CCDC73: variants seen among roughly 807,000 people sequenced by gnomAD.
CCDC73 encodes coiled-coil domain-containing protein 73.
CCDC73 carries 95 observed loss-of-function variants against 116.5 expected under a neutral mutation model. The ratio of observed to expected loss-of-function variants is 0.82; its 90% confidence interval spans 0.69 to 0.97. The LOEUF (loss-of-function observed/expected upper bound fraction) is 0.97. Ranked by LOEUF, CCDC73 falls within the 50% of genes least tolerant of loss-of-function variation. CCDC73 has a pLI of 0.00. For missense variants in CCDC73, 1,066 were observed against 1,206.8 expected (o/e 0.88, Z 1.73); for synonymous variants, 398 against 401.3 (o/e 0.99, Z 0.10).
intron 9 of CCDC73, among the ~76,000 whole-genome samples, chr11:32,670,333 T>C (rs907901245): frequency 2.6e-5 from 4 of 151,998 alleles, no homozygotes; most frequent in Non-Finnish European, 5.9e-5. Flanking sequence ...CCATCCTGGT[T>C]AACACGGTGA....
chr11:32,760,097 A>G lies in CCDC73; in HGVS notation c.135+12T>C. On this transcript the variant is annotated intron_variant, in intron 2 of 17. Coordinates refer to ENST00000335185, the MANE Select transcript of CCDC73 (RefSeq NM_001008391.4). ...TTCTTATTTAACAAAAGCATTTTAA[A>G]AAGGAGCTTACCCTTCTCATACGCA... The G allele has an allele frequency of 6.3e-7, 1 of 1,581,130 alleles. No individual in the cohort carries two copies. The highest frequency in any genetic ancestry group is 8.6e-7 in the Non-Finnish European group (1 of 1,168,740).
upstream of CCDC73, among the ~76,000 whole-genome samples, chr11:32,795,345 G>T (rs1036310146): frequency 6.6e-6 from 1 of 151,650 alleles, no homozygotes; most frequent in African/African-American, 2.4e-5. Context: ...GTGGCGTGCG[G>T]CTGTAATCCC....
chr11:32,808,588 G>A, the CCDC73 span, among the ~76,000 whole-genome samples: 1 of 151,752 alleles, frequency 6.6e-6, no homozygotes, highest in African/African-American at 2.4e-5. Flanking sequence ...GCAGTGAGCT[G>A]AGATTGTGCC....
In CCDC73 at chr11:32,699,252, T is replaced by G; in HGVS notation, c.389A>C (p.Gln130Pro). 1 of 1,580,066 alleles carries G rather than the reference T, an allele frequency of 6.3e-7. No homozygotes were observed. The highest frequency in any genetic ancestry group is 1.1e-5 in the South Asian group (1 of 88,426). Residue 130 changes from glutamine to proline, a missense_variant and splice_region_variant, in exon 6 of 18, where the codon CAG (glutamine) becomes CCG (proline). Physicochemically the swap from Gln to Pro is moderately conservative, Grantham distance 76. Coordinates refer to ENST00000335185, the MANE Select transcript of CCDC73 (RefSeq NM_001008391.4). Reference protein sequence around the residue: ...EGLKETLKALQVSKYSLQKKV... With the variant: ...EGLKETLKALPVSKYSLQKKV... ...TAAACAATACGTAGTTATTTTTACCTGTAGTGCTTTTAATGTTTCCTTCAA... is the reference window on the plus strand; with the variant it reads ...TAAACAATACGTAGTTATTTTTACCGGTAGTGCTTTTAATGTTTCCTTCAA...
At chr11:32,790,782 T>C (rs1039717272) in intron 1 of CCDC73, among the ~76,000 whole-genome samples, 1 of 152,080 alleles carries the variant, frequency 6.6e-6, no homozygotes, top group Non-Finnish European at 1.5e-5. Flanking sequence ...TCCGTAAAGA[T>C]CATTATGAAA....
intron 6 of CCDC73, among the ~76,000 whole-genome samples, chr11:32,695,091 G>A (rs1025232609): frequency 1.3e-5 from 2 of 152,180 alleles, no homozygotes; most frequent in South Asian, 2.1e-4. Flanking sequence ...CTTGCTGTCC[G>A]GGTGTGGTGG....
At chr11:32,753,223 A>G (rs1354199867) in intron 2 of CCDC73, among the ~76,000 whole-genome samples, 1 of 151,946 alleles carries the variant, frequency 6.6e-6, no homozygotes, top group East Asian at 1.9e-4. Context: ...GCCCAAGAAT[A>G]TAAGAATTGT....
intron 7 of CCDC73, chr11:32,680,139 A>T (rs1037633937): frequency 6.6e-6 from 1 of 152,214 alleles, no homozygotes; most frequent in South Asian, 2.1e-4. Context: ...GAAGAGGTCC[A>T]TTGTCCAGTT....
chr11:32,671,410 A>C (rs1856036875), intron 9 of CCDC73, among the ~76,000 whole-genome samples: 2 of 151,912 alleles, frequency 1.3e-5, no homozygotes, highest in South Asian at 2.1e-4. Context: ...AAAAAAAAAA[A>C]AAAAAAAGAA....
At chr11:32,628,380 G>A (rs1252919466) in intron 14 of CCDC73, among the ~76,000 whole-genome samples, 3 of 152,196 alleles carry the variant, frequency 2.0e-5, no homozygotes, top group East Asian at 3.8e-4. Context: ...AGATGAAGGC[G>A]CTACCCAGAA....
At position 32,614,326 on chromosome 11, in the gene CCDC73, T is replaced by A. The variant is rs748329558; in HGVS notation, c.1992A>T (p.Gln664His). 6.2e-7 allele frequency: 1 copy of A among 1,611,748 alleles called. No homozygotes were observed. The highest frequency in any genetic ancestry group is 1.1e-5 in the South Asian group (1 of 90,966). The change falls in exon 16 of 18, where the codon CAA (glutamine) becomes CAT (histidine). Residue 664 changes from glutamine (Q) to histidine (H), a missense_variant. By Grantham distance (24) the Gln-to-His change is conservative. Coordinates refer to ENST00000335185, the MANE Select transcript of CCDC73 (RefSeq NM_001008391.4). ...MLDDKQCKIK[Q>H]IQLLTKKSEC... Reference sequence around the variant, plus strand: ...CACTTTTTTTAGTTAACAGTTGTATTTGTTTTATTTTACATTGTTTATCAT... The same window carrying A: ...CACTTTTTTTAGTTAACAGTTGTATATGTTTTATTTTACATTGTTTATCAT...
intron 6 of CCDC73, among the ~76,000 whole-genome samples, chr11:32,696,233 T>C (rs12787879): frequency 0.26 from 39,189 of 152,060 alleles, 5,538 homozygotes; most frequent in South Asian, 0.35. Context: ...CCATGCTTCA[T>C]TTATAGGTTA....
chr11:32,750,955 A>G (rs1850282875), intron 2 of CCDC73, among the ~76,000 whole-genome samples: 1 of 152,154 alleles, frequency 6.6e-6, no homozygotes, highest in East Asian at 1.9e-4. Context: ...GTCTCACCCA[A>G]GGCCCACAGC....
Position 32,613,538 on chromosome 11 carries a change from C to A in CCDC73, c.2780G>T (p.Cys927Phe), listed in dbSNP as rs1349620203. The change falls in exon 16 of 18, where the codon TGC becomes TTC. Residue 927 changes from cysteine to phenylalanine, a missense_variant. By Grantham distance (205) the Cys-to-Phe change is radical. Transcript: ENST00000335185. ...TCTCTCCTTCAGCAACAAAGAAATGCAAGGGGTCGAACTGCTCGCTGTTTG... is the reference window on the plus strand; with the variant it reads ...TCTCTCCTTCAGCAACAAAGAAATGAAAGGGGTCGAACTGCTCGCTGTTTG... ...ESQTASSSTP[C>F]ISLLLKERPL... The A allele has an allele frequency of 3.1e-6, 5 of 1,614,062 alleles. No individual in the cohort carries two copies. The East Asian group carries it at 1.1e-4, about 36-fold the overall frequency.
chr11:32,625,348 T>G (rs2133232236), intron 14 of CCDC73, among the ~76,000 whole-genome samples: 1 of 152,300 alleles, frequency 6.6e-6, no homozygotes, highest in African/African-American at 2.4e-5. Flanking sequence ...ATTTTGCTCG[T>G]TAGTTGATGC....
chr11:32,798,099 C>T (rs1460183246), upstream of CCDC73, among the ~76,000 whole-genome samples: 2 of 152,284 alleles, frequency 1.3e-5, no homozygotes, highest in Middle Eastern at 6.8e-3. Flanking sequence ...AGATTTGGGT[C>T]TCTAACCCAA....
At chr11:32,660,322 C>CA (rs1855911790) in intron 9 of CCDC73, among the ~76,000 whole-genome samples, 1 of 151,608 alleles carries the variant, frequency 6.6e-6, no homozygotes, top group Non-Finnish European at 1.5e-5. Flanking sequence ...CATGGTACCC[C>CA]TCCAGGGCTG....
intron 13 of CCDC73, among the ~76,000 whole-genome samples, chr11:32,637,326 C>A (rs1855691357): frequency 6.6e-6 from 1 of 151,992 alleles, no homozygotes; most frequent in Admixed American, 6.6e-5. Flanking sequence ...TTTCTCATTT[C>A]TTAAAGTCTA....
intron 2 of CCDC73, among the ~76,000 whole-genome samples, chr11:32,754,650 A>G (rs771494271): frequency 6.6e-6 from 1 of 152,182 alleles, no homozygotes; most frequent in Non-Finnish European, 1.5e-5. Context: ...GAAAAATTCA[A>G]TTGACAGAAA....
Sources: gnomAD v4.1 joint callset for allele counts (sites outside exome capture counted in the v4.1 genomes callset) on GRCh38, gnomAD v4.1.1 for gene constraint, MANE v1.5 for transcripts, NCBI Gene and HGNC (gene_info 2026-07-23, HGNC 2026-07-21) for gene names.